PRIM2: variants seen among roughly 807,000 people sequenced by gnomAD.
PRIM2 encodes the protein DNA primase large subunit.
A neutral mutation model predicts 67.3 loss-of-function variants in PRIM2; 39 were observed. The ratio of observed to expected loss-of-function variants is 0.58; its 90% confidence interval spans 0.45 to 0.76. The LOEUF is 0.76. PRIM2 is among the 30% of genes least tolerant of loss of function. The pLI, the probability that PRIM2 is intolerant of heterozygous loss-of-function variation, is 0.00. For synonymous variants in PRIM2, 143 were observed against 198.7 expected (o/e 0.72, Z 2.36); for missense variants, 398 against 598.7 (o/e 0.66, Z 3.50).
chr6:57,369,300 G>A (rs1162372779), intron 5 of PRIM2, among the ~76,000 whole-genome samples: 2 of 152,128 alleles, frequency 1.3e-5, no homozygotes, highest in African/African-American at 4.8e-5. Flanking sequence ...AAAAGAAAAA[G>A]ACACACAGCC....
intron 13 of PRIM2, among the ~76,000 whole-genome samples, chr6:57,634,389 A>G (rs1777084977): frequency 1.3e-5 from 2 of 152,256 alleles, no homozygotes; most frequent in Non-Finnish European, 2.9e-5. Flanking sequence ...TTTTAAAACA[A>G]AACTCAAGGA....
At chr6:57,286,749 T>A in the PRIM2 span, among the ~76,000 whole-genome samples, 4 of 152,084 alleles carry the variant, frequency 2.6e-5, no homozygotes, top group African/African-American at 9.7e-5. Context: ...AAAGCCGAAA[T>A]TGAAAAATGG....
At chr6:57,436,654 A>G (rs1329490607) in intron 7 of PRIM2, among the ~76,000 whole-genome samples, 1 of 152,138 alleles carries the variant, frequency 6.6e-6, no homozygotes, top group Non-Finnish European at 1.5e-5. Flanking sequence ...AAAGAAATAT[A>G]TTTCTAGTTA....
intron 3 of PRIM2, among the ~76,000 whole-genome samples, chr6:57,320,843 C>T (rs750450906): frequency 1.3e-5 from 2 of 152,200 alleles, no homozygotes; most frequent in African/African-American, 4.8e-5. Context: ...TCTCTGGCTT[C>T]TACCCCTACA....
In PRIM2 at chr6:57,470,504, G is replaced by A. The variant is rs1267434090; in HGVS notation, c.694-36883G>A. On this transcript the variant is annotated intron_variant, in intron 7 of 13. Coordinates refer to ENST00000615550, the MANE Select transcript of PRIM2 (RefSeq NM_000947.5). ...GGCAAAGAGTAATCTTTAGGCAGTC[G>A]TAGCTTCTCCCAAAGCTTAAGACTA... Among the ~76,000 whole-genome samples the A allele has an allele frequency of 5.8e-5, 7 of 121,014 alleles. No homozygotes were observed. In the South Asian group the frequency reaches 1.7e-3, roughly 29 times the overall value. 79.4% of individuals were successfully genotyped at this position (121,014 alleles called of 152,430 possible).
intron 5 of PRIM2, among the ~76,000 whole-genome samples, chr6:57,360,746 C>G (rs2127311754): frequency 6.6e-6 from 1 of 152,302 alleles, no homozygotes; most frequent in Admixed American, 6.5e-5. Flanking sequence ...TCAAAATTCT[C>G]TTTTAAGTTT....
intron 5 of PRIM2, among the ~76,000 whole-genome samples, chr6:57,371,354 T>C: frequency 6.6e-6 from 1 of 152,134 alleles, no homozygotes; most frequent in Non-Finnish European, 1.5e-5. Flanking sequence ...TACTATATTA[T>C]GCTAGGTGAA....
At chr6:57,517,220 G>A (rs1554348373) in intron 8 of PRIM2, among the ~76,000 whole-genome samples, 32 of 152,068 alleles carry the variant, frequency 2.1e-4, no homozygotes, top group South Asian at 1.5e-3. Flanking sequence ...AACATTGATC[G>A]CTCTCTGGTT....
chr6:57,367,398 GA>G (rs1013524297), intron 5 of PRIM2, among the ~76,000 whole-genome samples: 3 of 152,024 alleles, frequency 2.0e-5, no homozygotes, highest in Non-Finnish European at 4.4e-5. Context: ...ATTACAGATA[GA>G]AAAAAATGTT....
intron 13 of PRIM2, among the ~76,000 whole-genome samples, chr6:57,642,592 G>A (rs1456682812): frequency 5.3e-5 from 8 of 151,010 alleles, no homozygotes; most frequent in East Asian, 3.9e-4. Context: ...ACAGGCACGC[G>A]CCACCATGCC....
At chr6:57,577,298 T>C (rs1775980731) in intron 10 of PRIM2, among the ~76,000 whole-genome samples, 2 of 152,290 alleles carry the variant, frequency 1.3e-5, no homozygotes, top group South Asian at 4.1e-4. Context: ...ATTTGAACAT[T>C]TCACTTAATA....
intron 5 of PRIM2, among the ~76,000 whole-genome samples, chr6:57,333,911 G>A (rs773800241): frequency 2.6e-5 from 4 of 152,138 alleles, no homozygotes; most frequent in African/African-American, 4.8e-5. Flanking sequence ...TTTTTGTGGT[G>A]AAAATACTTA....
At position 57,379,997 on chromosome 6, in the gene PRIM2, G is replaced by A. The variant is rs868238037; in HGVS notation, c.555+1G>A. The A allele has an allele frequency of 3.9e-6, 6 of 1,551,364 alleles. No individual in the cohort carries two copies. In the Admixed American group the frequency reaches 7.9e-5, roughly 20 times the overall value. On this transcript the variant is annotated splice_donor_variant, in intron 6 of 13. Coordinates refer to ENST00000615550, the MANE Select transcript of PRIM2 (RefSeq NM_000947.5). LOFTEE classifies it high-confidence loss of function. Reference sequence around the variant, plus strand: ...GTTGGGGTTCGAGTCCATTTATAAGGTATGTAAACATGTAAAATACTTCCT... The same window carrying A: ...GTTGGGGTTCGAGTCCATTTATAAGATATGTAAACATGTAAAATACTTCCT...
Position 57,646,397 on chromosome 6 carries a change from TG to T in PRIM2, c.*245del. 2 of 445,850 alleles carry T rather than the reference TG, an allele frequency of 4.5e-6. No individual in the cohort carries two copies. Among genetic ancestry groups the T allele is most frequent in the South Asian group, 2.9e-5 (1 of 34,772 alleles). 27.6% of individuals were successfully genotyped at this position (445,850 alleles called of 1,614,324 possible). ...TTTTTTCAATTTTTTTTTGTAGAGG[TG>T]GGGGGTCTCCCTATGTTGCCCAGGC... On this transcript the variant is annotated 3_prime_UTR_variant, in exon 14 of 14. Coordinates refer to ENST00000615550, the MANE Select transcript of PRIM2 (RefSeq NM_000947.5).
At chr6:57,227,212 T>C in the PRIM2 span, among the ~76,000 whole-genome samples, 2 of 152,228 alleles carry the variant, frequency 1.3e-5, no homozygotes, top group Non-Finnish European at 2.9e-5. Flanking sequence ...ACTTCGCTCA[T>C]GGTAAATAAG....
chr6:57,353,139 CAAAAAAAAA>C (rs57281233), intron 5 of PRIM2, among the ~76,000 whole-genome samples: 13 of 58,592 alleles, frequency 2.2e-4, no homozygotes, highest in African/African-American at 6.4e-4. Flanking sequence ...GGTGAAATCC[CAAAAAAAAA>C]AAAAAAAAAA....
the PRIM2 span, among the ~76,000 whole-genome samples, chr6:57,270,581 G>C: frequency 0.013 from 1,982 of 152,218 alleles, 13 homozygotes; most frequent in Non-Finnish European, 0.019. Context: ...AAACAGGAAC[G>C]ATTTGACTTC....
intron 10 of PRIM2, among the ~76,000 whole-genome samples, chr6:57,539,061 T>C (rs1181981531): frequency 1.1e-4 from 17 of 152,344 alleles, no homozygotes; most frequent in South Asian, 2.1e-4. Flanking sequence ...AAAGCTGTTA[T>C]AGTTTTTTCA....
chr6:57,453,105 G>A (rs1373851638), intron 7 of PRIM2, among the ~76,000 whole-genome samples: 1 of 152,120 alleles, frequency 6.6e-6, no homozygotes, highest in Non-Finnish European at 1.5e-5. Context: ...TAGATATGCG[G>A]CATTATTTCT....
Sources: gnomAD v4.1 joint callset for allele counts (sites outside exome capture counted in the v4.1 genomes callset) on GRCh38, gnomAD v4.1.1 for gene constraint, MANE v1.5 for transcripts, NCBI Gene and HGNC (gene_info 2026-07-23, HGNC 2026-07-21) for gene names.